DCLK1: variants seen among roughly 807,000 people sequenced by gnomAD.
The protein encoded by DCLK1 is doublecortin like kinase 1.
In DCLK1, 16 loss-of-function variants were observed where a neutral mutation model predicts 86.2. That is an observed-to-expected ratio of 0.19 (90% CI 0.13 to 0.28). DCLK1 has a LOEUF of 0.28. Ranked by LOEUF, DCLK1 falls within the 10% of genes least tolerant of loss-of-function variation. The pLI is 1.00. For missense variants in DCLK1, 590 were observed against 940.2 expected (o/e 0.63, Z 4.87); for synonymous variants, 369 against 370.5 (o/e 1.00, Z 0.05).
intron 1 of DCLK1, among the ~76,000 whole-genome samples, chr13:36,130,749 C>T (rs2042081678): frequency 6.6e-6 from 1 of 152,142 alleles, no homozygotes; most frequent in Admixed American, 6.5e-5. Context: ...TCCCGCTCCG[C>T]AGCCAGTTCT....
chr13:35,776,316 AC>A (rs1014759881), intron 16 of DCLK1, among the ~76,000 whole-genome samples: 6 of 152,206 alleles, frequency 3.9e-5, no homozygotes, highest in East Asian at 1.9e-4. Context: ...TGTAAAAAAA[AC>A]AGACGTCTAT....
At chr13:36,000,110 C>T (rs1027570357) in intron 3 of DCLK1, among the ~76,000 whole-genome samples, 1 of 152,178 alleles carries the variant, frequency 6.6e-6, no homozygotes, top group Non-Finnish European at 1.5e-5. Flanking sequence ...TATTACATGG[C>T]CAGCCTGCCC....
intron 7 of DCLK1, among the ~76,000 whole-genome samples, chr13:35,838,793 C>T (rs1288315216): frequency 6.6e-6 from 1 of 152,176 alleles, no homozygotes; most frequent in Admixed American, 6.5e-5. Context: ...ACAAAAGCAG[C>T]CACGATCCCA....
intron 5 of DCLK1, chr13:35,869,128 T>G (rs773687163): frequency 1.6e-5 from 8 of 511,956 alleles, no homozygotes; most frequent in Admixed American, 7.9e-5. Flanking sequence ...TGAGAAATGT[T>G]TTTTAGTTAA....
At chr13:35,948,961 C>T (rs1312970799) in intron 3 of DCLK1, among the ~76,000 whole-genome samples, 1 of 152,196 alleles carries the variant, frequency 6.6e-6, no homozygotes, top group Non-Finnish European at 1.5e-5. Flanking sequence ...TCCTGTTCAT[C>T]TTTACCTTCA....
At chr13:36,052,068 G>T (rs1040260935) in intron 3 of DCLK1, among the ~76,000 whole-genome samples, 1 of 152,270 alleles carries the variant, frequency 6.6e-6, no homozygotes, top group African/African-American at 2.4e-5. Context: ...TATCACTTTA[G>T]AGATGGCAAG....
At chr13:35,949,168 T>C (rs1877536563) in intron 3 of DCLK1, among the ~76,000 whole-genome samples, 1 of 152,210 alleles carries the variant, frequency 6.6e-6, no homozygotes, top group Non-Finnish European at 1.5e-5. Context: ...GTGTGGATGA[T>C]TAATACGTTT....
chr13:36,125,030 A>G (rs1224877577), intron 2 of DCLK1, among the ~76,000 whole-genome samples: 2 of 152,140 alleles, frequency 1.3e-5, no homozygotes, highest in Non-Finnish European at 2.9e-5. Flanking sequence ...CTCTGCTTGC[A>G]TAAGATACCA....
chr13:35,872,856 T>G (rs772942189), intron 4 of DCLK1, among the ~76,000 whole-genome samples: 1 of 152,226 alleles, frequency 6.6e-6, no homozygotes, highest in Admixed American at 6.5e-5. Flanking sequence ...GGTTTTTGTT[T>G]GCTTTTTATA....
chr13:35,854,188 C>G (rs1242501051), intron 6 of DCLK1, among the ~76,000 whole-genome samples: 1 of 152,180 alleles, frequency 6.6e-6, no homozygotes, highest in African/African-American at 2.4e-5. Context: ...TCTAATCAAA[C>G]TCATCACAAC....
At chr13:35,915,568 A>G (rs1479483413) in intron 4 of DCLK1, among the ~76,000 whole-genome samples, 1 of 152,090 alleles carries the variant, frequency 6.6e-6, no homozygotes, top group Non-Finnish European at 1.5e-5. Context: ...AGCTATGTGT[A>G]GTGGTGGGTT....
intron 4 of DCLK1, among the ~76,000 whole-genome samples, chr13:35,894,690 C>T (rs1411450401): frequency 2.0e-5 from 3 of 152,176 alleles, no homozygotes; most frequent in Admixed American, 1.3e-4. Context: ...CCATGCTACA[C>T]AGACACTTCA....
At chr13:35,802,070 C>T (rs2086931220) in intron 15 of DCLK1, among the ~76,000 whole-genome samples, 1 of 152,158 alleles carries the variant, frequency 6.6e-6, no homozygotes, top group Admixed American at 6.5e-5. Flanking sequence ...GTTCTCACTA[C>T]CCTGGAACTG....
intron 4 of DCLK1, among the ~76,000 whole-genome samples, chr13:35,882,208 T>C (rs1294030435): frequency 6.6e-6 from 1 of 152,186 alleles, no homozygotes; most frequent in Non-Finnish European, 1.5e-5. Flanking sequence ...GCCACATTAC[T>C]CAAATCTCTG....
chr13:35,958,172 C>CATT (rs1681833866), intron 3 of DCLK1, among the ~76,000 whole-genome samples: 4 of 73,562 alleles, frequency 5.4e-5, no homozygotes, highest in African/African-American at 2.5e-4. Context: ...TCACCACCAT[C>CATT]ACCACTATAA....
intron 3 of DCLK1, among the ~76,000 whole-genome samples, chr13:36,065,927 G>A (rs2153160216): frequency 6.6e-6 from 1 of 152,146 alleles, no homozygotes; most frequent in South Asian, 2.1e-4. Context: ...CAACGGCAAT[G>A]GTAACAGCAA....
At chr13:36,090,838 T>A (rs190448496) in intron 3 of DCLK1, among the ~76,000 whole-genome samples, 12 of 152,218 alleles carry the variant, frequency 7.9e-5, no homozygotes, top group Admixed American at 7.8e-4. Flanking sequence ...CTTGGTCTTG[T>A]GTCCCAGCCC....
At chr13:35,871,461 ACCAG>A in intron 4 of DCLK1, 121 bp from the exon 5 acceptor site, 1 of 808,658 alleles carries the variant, frequency 1.2e-6, no homozygotes, top group South Asian at 1.7e-5. Context: ...TCTACTTCCC[ACCAG>A]CTGGGTTCTT....
At chr13:36,093,153 T>C (rs899491300) in intron 3 of DCLK1, among the ~76,000 whole-genome samples, 1 of 152,208 alleles carries the variant, frequency 6.6e-6, no homozygotes, top group Non-Finnish European at 1.5e-5. Context: ...CATCAAACCT[T>C]CATTATGTAA....
Sources: allele counts gnomAD v4.1 joint callset (sites outside exome capture counted in the v4.1 genomes callset), GRCh38; gene constraint gnomAD v4.1.1; transcripts MANE v1.5; gene names NCBI Gene and HGNC (gene_info 2026-07-23, HGNC 2026-07-21).